The following NSD2 variants were observed in gnomAD, a reference collection of about 807,000 sequenced individuals.
The protein encoded by NSD2 is histone-lysine N-methyltransferase NSD2.
Under a neutral mutation model 139.0 loss-of-function variants are expected in NSD2, and 12 were observed. The ratio of observed to expected loss-of-function variants is 0.09; its 90% CI spans 0.06 to 0.14. The LOEUF (loss-of-function observed/expected upper bound fraction) is 0.14. NSD2 is among the 10% of genes least tolerant of loss of function. The pLI, the probability that NSD2 is intolerant of heterozygous loss-of-function variation, is 1.00. For missense variants in NSD2, 1,155 were observed against 1,745.0 expected (o/e 0.66, Z 6.02); for synonymous variants, 669 against 648.7 (o/e 1.03, Z -0.48).
chr4:1,890,596 C>T (rs146568854), intron 1 of NSD2, among the ~76,000 whole-genome samples: 4,744 of 150,580 alleles, frequency 0.032, 231 homozygotes, highest in African/African-American at 0.11. Flanking sequence ...TCACCGCACC[C>T]GGCCTATACA....
rs150150439 is a variant in NSD2 at position 1,974,803 on chromosome 4, C to T, written c.3373-60C>T. On this transcript the variant is annotated intron_variant, in intron 18 of 21. Transcript: ENST00000508803. This position sits in a 1 kb window ranked among gnomAD's most constrained non-coding sequence, Gnocchi z 4.0. ...AATGTGCTTTATGATGGTGAAAATT[C>T]CCTTTAAAAATAACATGCGATTGCT... 13,392 of 1,607,198 alleles carry T rather than the reference C, an allele frequency of 8.3e-3. 103 individuals are homozygous for T. Among genetic ancestry groups the T allele is most frequent in the Middle Eastern group, 0.038 (231 of 6,032 alleles).
At chr4:1,875,236 A>G (rs183983458) in intron 1 of NSD2, among the ~76,000 whole-genome samples, 4 of 150,932 alleles carry the variant, frequency 2.7e-5, no homozygotes, top group Non-Finnish European at 4.4e-5. Flanking sequence ...TGGGATTACA[A>G]GTGTGAACCA....
At chr4:1,947,394 C>CTG (rs892763322) in intron 9 of NSD2, 1 of 1,060,868 alleles carries the variant, frequency 9.4e-7, no homozygotes, top group Non-Finnish European at 1.1e-6. Flanking sequence ...TAGAAGACGA[C>CTG]TGTGGTGTGC....
intron 15 of NSD2, among the ~76,000 whole-genome samples, chr4:1,957,343 G>A (rs1724932158): frequency 6.6e-6 from 1 of 151,296 alleles, no homozygotes; most frequent in Non-Finnish European, 1.5e-5. Flanking sequence ...GAGTGCAATG[G>A]TGTGATCTCG....
chr4:1,967,329 C>T (rs866460796), intron 18 of NSD2, among the ~76,000 whole-genome samples: 19 of 152,204 alleles, frequency 1.2e-4, no homozygotes, highest in African/African-American at 4.3e-4. Context: ...CCTGTAATCC[C>T]AGCACTTTGG....
chr4:1,871,855 C>T (rs1361798697), intron 1 of NSD2, among the ~76,000 whole-genome samples: 1 of 112,092 alleles, frequency 8.9e-6, no homozygotes, highest in African/African-American at 3.3e-5. Flanking sequence ...GGCCTGCGGG[C>T]GGCGGCGGCT....
At chr4:1,940,697 AG>A in intron 9 of NSD2, 1 of 1,060,982 alleles carries the variant, frequency 9.4e-7, no homozygotes. Flanking sequence ...TAGTGAGGCA[AG>A]GGTTGGACAG....
chr4:1,905,292 T>C (rs1386663128), intron 3 of NSD2, among the ~76,000 whole-genome samples: 1 of 152,248 alleles, frequency 6.6e-6, no homozygotes, highest in East Asian at 1.9e-4. Context: ...CAAGTTGCGA[T>C]GTGGCGAGTG....
chr4:1,951,114 G>A lies in NSD2; in HGVS notation c.1924G>A (p.Glu642Lys). The part of the protein sequence containing the change: ...PGDEPSESPY[E>K]SADETQTEVS... ...AGACGAGCCCTCGGAGTCCCCATAC[G>A]AAAGTGCAGACGAAACACAAACTGA... The change falls in exon 10 of 22, where the codon GAA becomes AAA. Residue 642 changes from glutamate (E) to lysine (K), a missense_variant. Physicochemically the swap from Glu to Lys is moderately conservative, Grantham distance 56 (BLOSUM62 1). This residue lies in a region of NSD2 where 420 missense variants were observed against 469.0 expected (regional missense o/e 0.90). Transcript: ENST00000508803. 3 of 1,614,198 alleles carry A rather than the reference G, an allele frequency of 1.9e-6. No individual in the cohort carries two copies. The highest frequency in any genetic ancestry group is 2.5e-6 in the Non-Finnish European group (3 of 1,180,028).
At chr4:1,880,973 A>T (rs1714654078) in intron 1 of NSD2, among the ~76,000 whole-genome samples, 1 of 152,136 alleles carries the variant, frequency 6.6e-6, no homozygotes, top group Non-Finnish European at 1.5e-5. Flanking sequence ...TGGGTTTGTT[A>T]TGTTTAGTAA....
chr4:1,897,289 C>G (rs1409008138), intron 1 of NSD2, among the ~76,000 whole-genome samples: 2 of 151,984 alleles, frequency 1.3e-5, no homozygotes, highest in Non-Finnish European at 2.9e-5. Flanking sequence ...TGAGATCAGC[C>G]TGGACAATAT....
chr4:1,904,219 C>T lies in NSD2; in HGVS notation c.601C>T (p.Pro201Ser). Reference sequence around the variant, plus strand: ...GTCTTCTGTTGTTCATTTTCAGATTCCAGCTAAGAAAGAGTCTTGTCCAAA... The same window carrying T: ...GTCTTCTGTTGTTCATTTTCAGATTTCAGCTAAGAAAGAGTCTTGTCCAAA... ...KISSPSDKKI[P>S]AKKESCPNTG... Residue 201 changes from proline (P) to serine (S), a missense_variant, in exon 3 of 22, where the codon CCA becomes TCA. Physicochemically the swap from Pro to Ser is moderately conservative, Grantham distance 74. This residue lies in a region of NSD2 where 246 missense variants were observed against 262.8 expected (regional missense o/e 0.94). Coordinates refer to ENST00000508803, the MANE Select transcript of NSD2 (RefSeq NM_001042424.3). 1 of 1,612,420 alleles carries T rather than the reference C, an allele frequency of 6.2e-7. No individual in the cohort carries two copies. The highest frequency in any genetic ancestry group is 1.7e-5 in the Admixed American group (1 of 59,772).
chr4:1,899,314 C>T (rs1034711990), intron 1 of NSD2: 1 of 152,246 alleles, frequency 6.6e-6, no homozygotes, highest in Non-Finnish European at 1.5e-5. Context: ...CTGTGGACAT[C>T]TCGGGCCGCA....
At chr4:1,952,435 G>C (rs933210129) in intron 11 of NSD2, among the ~76,000 whole-genome samples, 8 of 152,168 alleles carry the variant, frequency 5.3e-5, no homozygotes, top group Non-Finnish European at 1.0e-4. Context: ...GATTTCAGTC[G>C]TATGTGCCCC....
chr4:1,923,590 A>G (rs1451363662), intron 5 of NSD2, among the ~76,000 whole-genome samples: 3 of 152,242 alleles, frequency 2.0e-5, no homozygotes, highest in African/African-American at 7.2e-5. Context: ...AAGATGAGCA[A>G]CAGTGGGACT....
chr4:1,955,618 A>C lies in NSD2; in HGVS notation c.2519-75A>C. 6.7e-7 allele frequency: 1 copy of C among 1,491,546 alleles called. No homozygotes were observed. The highest frequency in any genetic ancestry group is 9.0e-7 in the Non-Finnish European group (1 of 1,116,616). The allele number at this position is 1,491,546 out of a possible 1,614,324, so 92.4% of individuals were successfully genotyped here. A position where few individuals can be genotyped will look rare whatever the true frequency, so the allele number is the denominator to read the frequency against. On this transcript the variant is annotated intron_variant, in intron 13 of 21. Coordinates refer to ENST00000508803, the MANE Select transcript of NSD2 (RefSeq NM_001042424.3). This position sits in a 1 kb window ranked among gnomAD's most constrained non-coding sequence, Gnocchi z 4.7. ...TATAAGTTAAGGCTGTAATAAGTGTAGACTGTGAAGCACTGAATCTGGGCT... is the reference window on the plus strand; with the variant it reads ...TATAAGTTAAGGCTGTAATAAGTGTCGACTGTGAAGCACTGAATCTGGGCT...
rs1211630549 is a variant in NSD2 at position 1,955,162 on chromosome 4, T to C, written c.2340T>C (p.Gly780=). ...TAGGGTGTGTTTCTTTGCCTTCAGG[T>C]AAAATGATGCGGTGTGTCCGCTGCC... The part of the protein sequence containing the change: ...SNPSNPRPSK[G]KMMRCVRCPV... The change falls in exon 13 of 22, where the codon GGT becomes GGC. Residue 780 remains glycine (G), a splice_region_variant and synonymous_variant. Coordinates refer to ENST00000508803, the MANE Select transcript of NSD2 (RefSeq NM_001042424.3). This position sits in a 1 kb window ranked among gnomAD's most constrained non-coding sequence, Gnocchi z 4.7. 6.3e-7 allele frequency: 1 copy of C among 1,597,850 alleles called. No individual in the cohort carries two copies. The highest frequency in any genetic ancestry group is 1.1e-5 in the South Asian group (1 of 90,768).
At chr4:1,936,709 A>T in intron 7 of NSD2, among the ~76,000 whole-genome samples, 1 of 150,376 alleles carries the variant, frequency 6.6e-6, no homozygotes. Flanking sequence ...GAGTAGTTGT[A>T]TATTTGTGAT....
intron 5 of NSD2, among the ~76,000 whole-genome samples, chr4:1,919,627 T>G (rs1719859687): frequency 6.6e-6 from 1 of 151,998 alleles, no homozygotes; most frequent in Non-Finnish European, 1.5e-5. Context: ...ATGTGGTGAT[T>G]AAAGGTATCA....
Sources: gnomAD v4.1 joint callset for allele counts (sites outside exome capture counted in the v4.1 genomes callset) on GRCh38, gnomAD v4.1.1 for gene constraint, gnomAD v4.1.1 regional missense constraint, Gnocchi (gnomAD v3.1) non-coding constraint, MANE v1.5 for transcripts, NCBI Gene and HGNC (gene_info 2026-07-23, HGNC 2026-07-21) for gene names.